The following DNAH9 variants were observed in gnomAD, a reference collection of about 807,000 sequenced individuals.
DNAH9 encodes dynein axonemal heavy chain 9, also known as DNAH9 variant protein.
DNAH9 carries 345 observed loss-of-function variants against 471.6 expected under a neutral mutation model. That is an observed-to-expected ratio of 0.73 (90% confidence interval 0.67 to 0.80). DNAH9 has a LOEUF of 0.80. DNAH9 is among the 30% of genes least tolerant of loss of function. The pLI is 0.00. For missense variants in DNAH9, 5,407 were observed against 5,609.2 expected (o/e 0.96, Z 1.15); for synonymous variants, 2,093 against 2,123.6 (o/e 0.99, Z 0.40).
chr17:11,641,809 A>G (rs1424593503), intron 10 of DNAH9, among the ~76,000 whole-genome samples: 1 of 152,148 alleles, frequency 6.6e-6, no homozygotes, highest in African/African-American at 2.4e-5. Flanking sequence ...GCAGGAATTT[A>G]TAGAGATCCT....
At chr17:11,766,342 C>A (rs1967935961) in intron 36 of DNAH9, among the ~76,000 whole-genome samples, 2 of 151,772 alleles carry the variant, frequency 1.3e-5, no homozygotes, top group Non-Finnish European at 1.5e-5. Context: ...TACCTTGCAG[C>A]CCTTAGAGAG....
At chr17:11,834,328 C>CAAAAAAAAAAAAAAAAAAAAA (rs762924565) in intron 48 of DNAH9, among the ~76,000 whole-genome samples, 1 of 77,846 alleles carries the variant, frequency 1.3e-5, no homozygotes, top group Non-Finnish European at 2.3e-5. Flanking sequence ...GACTCCGTCT[C>CAAAAAAAAAAAAAAAAAAAAA]AAAAAAAAAA....
At chr17:11,901,938 G>A (rs1052681746) in intron 59 of DNAH9, among the ~76,000 whole-genome samples, 1 of 152,224 alleles carries the variant, frequency 6.6e-6, no homozygotes, top group Non-Finnish European at 1.5e-5. Flanking sequence ...CCCAAGGGAG[G>A]TTGCAGGTTT....
In DNAH9 at chr17:11,619,568, A is replaced by G. The variant is rs752981979; in HGVS notation, c.1137A>G (p.Pro379=). 6.2e-7 allele frequency: 1 copy of G among 1,611,708 alleles called. No individual in the cohort carries two copies. The highest frequency in any genetic ancestry group is 2.2e-5 in the East Asian group (1 of 44,884). The change falls in exon 6 of 69, where the codon CCA becomes CCG. Residue 379 remains proline, a synonymous_variant. Transcript: ENST00000262442. ...LIQQASNYLS[P]EDLLRSEVEE... ...ACCAGGCCTCTAATTATCTCAGCCC[A>G]GAAGACCTGCTGAGAAGTGAGGTAG...
chr17:11,741,766 G>A (rs969989486), intron 29 of DNAH9, among the ~76,000 whole-genome samples: 1 of 152,194 alleles, frequency 6.6e-6, no homozygotes, highest in African/African-American at 2.4e-5. Flanking sequence ...GTTTGTTGTA[G>A]ATACCCAGAG....
At chr17:11,721,099 G>T (rs982607474) in intron 27 of DNAH9, among the ~76,000 whole-genome samples, 1 of 152,100 alleles carries the variant, frequency 6.6e-6, no homozygotes, top group Admixed American at 6.6e-5. Flanking sequence ...AAATCAGCCA[G>T]ATTTCTTCAA....
Position 11,793,561 on chromosome 17 carries a change from A to C in DNAH9, c.8120A>C (p.Tyr2707Ser). 1 of 1,614,114 alleles carries C rather than the reference A, an allele frequency of 6.2e-7. No individual in the cohort carries two copies. The highest frequency in any genetic ancestry group is 1.1e-5 in the South Asian group (1 of 91,064). ...TCCACATGGGATCTTATAAGGCTCT[A>C]TCTGCATGAATCAAATCGAGTTTAT... is the stretch of plus-strand genomic sequence containing the variant. ...VKSTWDLIRL[Y>S]LHESNRVYRD... The change falls in exon 42 of 69, where the codon TAT becomes TCT. Residue 2707 changes from tyrosine to serine, a missense_variant. By Grantham distance (144) the Tyr-to-Ser change is moderately radical. Transcript: ENST00000262442.
At chr17:11,935,253 C>T (rs949210420) in intron 65 of DNAH9, among the ~76,000 whole-genome samples, 3 of 152,016 alleles carry the variant, frequency 2.0e-5, no homozygotes, top group African/African-American at 4.8e-5. Flanking sequence ...TGAGCCAGCA[C>T]GCCCGGCCTC....
Position 11,678,303 on chromosome 17 carries a change from G to T in DNAH9, c.3354-1454G>T, listed in dbSNP as rs376117477. ...GAACTCCTGACCTTGTGATCTATCC[G>T]CCTCGGCCTCCTATTTAGATTTACC... On this transcript the variant is annotated intron_variant, in intron 17 of 68. Transcript: ENST00000262442. Among the ~76,000 whole-genome samples, 31 of 152,090 alleles carry T rather than the reference G, an allele frequency of 2.0e-4. No homozygotes were observed. In the South Asian group the frequency reaches 2.5e-3, roughly 12 times the overall value.
rs759402257 is a variant in DNAH9 at position 11,651,189 on chromosome 17, G to A, written c.2218G>A (p.Glu740Lys). The change falls in exon 13 of 69, where the codon GAG becomes AAG. Residue 740 changes from glutamate (E) to lysine (K), a missense_variant. This residue lies in a region of DNAH9 where 4,636 missense variants were observed against 4,900.3 expected (regional missense o/e 0.95). Transcript: ENST00000262442. The part of the protein sequence containing the change: ...DFYRQLVANL[E>K]LMANWYNKVM... ...CTATCGGCAGCTTGTGGCTAATTTA[G>A]AGTTGATGGCAAATTGGTACAACAA... 6.2e-7 allele frequency: 1 copy of A among 1,614,098 alleles called. No homozygotes were observed. Among genetic ancestry groups the A allele is most frequent in the Non-Finnish European group, 8.5e-7 (1 of 1,180,014 alleles).
At position 11,807,909 on chromosome 17, in the gene DNAH9, A is replaced by C. The variant is rs1237955397; in HGVS notation, c.8583+15A>C. 5 of 1,589,558 alleles carry C rather than the reference A, an allele frequency of 3.1e-6. No homozygotes were observed. The highest frequency in any genetic ancestry group is 4.3e-6 in the Non-Finnish European group (5 of 1,160,920). On this transcript the variant is annotated intron_variant, in intron 44 of 68. Coordinates refer to ENST00000262442, the MANE Select transcript of DNAH9 (RefSeq NM_001372.4). ...AGGACTTCAAGGTAAAAGGTCAGGCAGCTGCAGGGAGGAGGCTCAGCTTCC... is the reference window on the plus strand; with the variant it reads ...AGGACTTCAAGGTAAAAGGTCAGGCCGCTGCAGGGAGGAGGCTCAGCTTCC...
chr17:11,621,280 C>T (rs556227139), intron 6 of DNAH9, among the ~76,000 whole-genome samples: 11 of 151,682 alleles, frequency 7.3e-5, no homozygotes, highest in Non-Finnish European at 1.0e-4. Flanking sequence ...TGGTGGCGGG[C>T]GCCTGTAGTC....
At chr17:11,940,599 T>G (rs1359828589) in intron 66 of DNAH9, among the ~76,000 whole-genome samples, 1 of 152,216 alleles carries the variant, frequency 6.6e-6, no homozygotes, top group Non-Finnish European at 1.5e-5. Context: ...GGTTTTTACT[T>G]TCTTTTTTCT....
chr17:11,937,456 T>C lies in DNAH9; in HGVS notation c.12594T>C (p.Thr4198=), dbSNP rs766268369. The change falls in exon 66 of 69, where the codon ACT becomes ACC. Residue 4198 remains threonine, a synonymous_variant. Transcript: ENST00000262442. The surrounding 1 kb of genome is among the most constrained non-coding windows in gnomAD (Gnocchi z 4.1). Reference sequence around the variant, plus strand: ...AAACCTCAGAAAAGCTCTTCCGCACTGTGCTGGAGCTGCAGCCTCGGGACA... The same window carrying C: ...AAACCTCAGAAAAGCTCTTCCGCACCGTGCTGGAGCTGCAGCCTCGGGACA... ...LTQTSEKLFR[T]VLELQPRDSQ... is the part of the protein sequence containing the mutation. 2.5e-6 allele frequency: 4 copies of C among 1,613,962 alleles called. No individual in the cohort carries two copies. The highest frequency in any genetic ancestry group is 2.2e-5 in the South Asian group (2 of 91,056).
At chr17:11,769,462 A>C in intron 38 of DNAH9, 133 bp downstream of exon 38, 1 of 746,194 alleles carries the variant, frequency 1.3e-6, no homozygotes. Context: ...TTCCTCCCAC[A>C]CGCCCCTTCT....
intron 27 of DNAH9, among the ~76,000 whole-genome samples, chr17:11,725,866 C>CA (rs201362147): frequency 0.036 from 5,466 of 151,960 alleles, 172 homozygotes; most frequent in East Asian, 0.087. Flanking sequence ...GACTCCATCT[C>CA]AAAAAAACAA....
At chr17:11,820,818 A>G (rs980926148) in intron 45 of DNAH9, among the ~76,000 whole-genome samples, 3 of 152,150 alleles carry the variant, frequency 2.0e-5, no homozygotes, top group Non-Finnish European at 4.4e-5. Context: ...AAATTTGTCA[A>G]TTTTATGCAT....
intron 66 of DNAH9, among the ~76,000 whole-genome samples, chr17:11,941,740 T>C (rs549052387): frequency 6.8e-6 from 1 of 146,716 alleles, no homozygotes; most frequent in Non-Finnish European, 1.5e-5. Flanking sequence ...AGATAGATAG[T>C]GATAGATTAG....
In DNAH9 at chr17:11,669,719, A is replaced by G. The variant is rs757408744; in HGVS notation, c.3278A>G (p.Lys1093Arg). Residue 1093 changes from lysine to arginine, a missense_variant, in exon 17 of 69, where the codon AAG (lysine) becomes AGG (arginine). This residue lies in a region of DNAH9 where 4,636 missense variants were observed against 4,900.3 expected (regional missense o/e 0.95). Coordinates refer to ENST00000262442, the MANE Select transcript of DNAH9 (RefSeq NM_001372.4). ...ATGAAAATTGATATTCGACCCTTTA[A>G]GGCATCTCTGCTGAATATTATTAAG... Reference protein sequence around the residue: ...GWMKIDIRPFKASLLNIIKRW... With the variant: ...GWMKIDIRPFRASLLNIIKRW... 6.2e-7 allele frequency: 1 copy of G among 1,614,158 alleles called. No individual in the cohort carries two copies. Among genetic ancestry groups the G allele is most frequent in the Non-Finnish European group, 8.5e-7 (1 of 1,180,012 alleles).
Sources: allele counts gnomAD v4.1 joint callset (sites outside exome capture counted in the v4.1 genomes callset), GRCh38; gene constraint gnomAD v4.1.1; regional missense constraint gnomAD v4.1.1; non-coding constraint Gnocchi (gnomAD v3.1); transcripts MANE v1.5; gene names NCBI Gene and HGNC (gene_info 2026-07-23, HGNC 2026-07-21).